The following TESMIN variants were observed in gnomAD, a reference collection of about 807,000 sequenced individuals.
TESMIN encodes CXC domain containing 2.
A neutral mutation model predicts 47.4 loss-of-function variants in TESMIN; 34 were observed. That is an observed-to-expected ratio of 0.72 (90% CI 0.55 to 0.96). The LOEUF (loss-of-function observed/expected upper bound fraction) is 0.96, where lower values mean the gene tolerates loss of function less well. Among genes scored for constraint, TESMIN ranks in the 40% least tolerant of loss-of-function variants. The probability of loss-of-function intolerance (pLI) is 0.00; values close to 1 mark genes in which losing one functional copy is unlikely to be tolerated. For synonymous variants in TESMIN, 278 were observed against 258.9 expected (o/e 1.07, Z -0.71); for missense variants, 610 against 637.2 (o/e 0.96, Z 0.46).
At chr11:68,715,707 G>A in intron 7 of TESMIN, 130 bp downstream of exon 7, 3 of 680,068 alleles carry the variant, frequency 4.4e-6, no homozygotes, top group Non-Finnish European at 7.4e-6. Context: ...CAGGAATCAA[G>A]TTGTATTCAA....
chr11:68,710,809 G>A (rs773228893), intron 9 of TESMIN, 65 bp downstream of exon 9: 54 of 1,452,400 alleles, frequency 3.7e-5, no homozygotes, highest in Admixed American at 6.5e-5. Flanking sequence ...ATAAATTGTC[G>A]TTAATTCTCC....
intron 3 of TESMIN, 57 bp downstream of exon 3, chr11:68,747,151 A>G: frequency 6.6e-7 from 1 of 1,523,204 alleles, no homozygotes; most frequent in Non-Finnish European, 9.1e-7. Context: ...CTTAGTAATG[A>G]TGGGGTCCAG....
chr11:68,730,872 T>C (rs1265925479), intron 6 of TESMIN, among the ~76,000 whole-genome samples: 2 of 152,184 alleles, frequency 1.3e-5, no homozygotes, highest in African/African-American at 4.8e-5. Context: ...ACCTCTTCAG[T>C]TTACATCAAC....
chr11:68,746,280 C>G (rs1946519530), intron 3 of TESMIN, among the ~76,000 whole-genome samples: 1 of 152,188 alleles, frequency 6.6e-6, no homozygotes, highest in Non-Finnish European at 1.5e-5. Flanking sequence ...GCTCTGCCCT[C>G]TGGGGAAATG....
chr11:68,736,333 A>G, intron 6 of TESMIN: 1 of 985,450 alleles, frequency 1.0e-6, no homozygotes. Flanking sequence ...CCCCAACCCT[A>G]ACAAATGACC....
At chr11:68,728,108 G>A (rs1056129974) in intron 6 of TESMIN, among the ~76,000 whole-genome samples, 20 of 152,262 alleles carry the variant, frequency 1.3e-4, no homozygotes, top group Admixed American at 2.0e-4. Flanking sequence ...GCCTCTAAGT[G>A]TTCAAGAGAA....
At chr11:68,711,181 G>T in intron 8 of TESMIN, 132 bp from the exon 9 acceptor site, 2 of 778,594 alleles carry the variant, frequency 2.6e-6, no homozygotes, top group Non-Finnish European at 4.1e-6. Flanking sequence ...GTGTCTGTGT[G>T]TGTTGAGTGT....
In TESMIN at chr11:68,715,184, CG is replaced by C. The variant is rs534119805; in HGVS notation, c.1020+652del. Among the ~76,000 whole-genome samples, 22 of 152,280 alleles carry C rather than the reference CG, an allele frequency of 1.4e-4. No individual in the cohort carries two copies. In the East Asian group the frequency reaches 3.5e-3, roughly 24 times the overall value. On this transcript the variant is annotated intron_variant, in intron 7 of 9. Coordinates refer to ENST00000255087, the MANE Select transcript of TESMIN (RefSeq NM_004923.3). ...TTTCCCTTCGTGAATGAGTGGGCACCGGAAGTGTCTCCCTGGAGTAGGTTGA... is the reference window on the plus strand; with the variant it reads ...TTTCCCTTCGTGAATGAGTGGGCACCGAAGTGTCTCCCTGGAGTAGGTTGA...
intron 7 of TESMIN, among the ~76,000 whole-genome samples, chr11:68,713,662 A>G (rs970722996): frequency 3.9e-5 from 6 of 152,222 alleles, no homozygotes; most frequent in Non-Finnish European, 7.3e-5. Context: ...CTGTAAAAAA[A>G]TAATAGATGG....
rs566463080 is a variant in TESMIN at position 68,750,362 on chromosome 11, A to G, written c.299T>C (p.Ile100Thr). Residue 100 changes from isoleucine to threonine, a missense_variant, in exon 2 of 10, where the codon ATC becomes ACC. Ile to Thr is a moderately conservative substitution (Grantham distance 89). Transcript: ENST00000255087. Reference protein sequence around the residue: ...GGELLGEYPGIPELSALEDVA... With the variant: ...GGELLGEYPGTPELSALEDVA... ...GTCCTCCAGCGCGCTGAGCTCTGGG[A>G]TCCCGGGGTACTCCCCGAGGAGCTC... The G allele has an allele frequency of 3.3e-6, 5 of 1,510,512 alleles. No individual in the cohort carries two copies. The South Asian group carries it at 6.4e-5, about 19-fold the overall frequency. The allele number at this position is 1,510,512 out of a possible 1,614,324, so 93.6% of individuals were successfully genotyped here. A position where few individuals can be genotyped will look rare whatever the true frequency, so the allele number is the denominator to read the frequency against.
intron 6 of TESMIN, among the ~76,000 whole-genome samples, chr11:68,717,601 C>T (rs1053250142): frequency 2.0e-5 from 3 of 152,160 alleles, no homozygotes; most frequent in South Asian, 2.1e-4. Flanking sequence ...AGAGAACTGG[C>T]GTGGCAGACT....
chr11:68,726,865 C>T (rs181639589), intron 6 of TESMIN, among the ~76,000 whole-genome samples: 36 of 151,292 alleles, frequency 2.4e-4, no homozygotes, highest in Admixed American at 2.2e-3. Context: ...ATTCCTTGAG[C>T]TCAGGAGTTT....
intron 6 of TESMIN, among the ~76,000 whole-genome samples, chr11:68,719,652 A>G (rs147619604): frequency 3.3e-5 from 5 of 152,332 alleles, no homozygotes; most frequent in East Asian, 1.9e-4. Flanking sequence ...GGGTACTACT[A>G]TGTTTTGTCA....
At chr11:68,720,418 G>T (rs958467184) in intron 6 of TESMIN, among the ~76,000 whole-genome samples, 4 of 151,952 alleles carry the variant, frequency 2.6e-5, no homozygotes, top group Admixed American at 2.0e-4. Context: ...TAACCTTTGC[G>T]TTCAGATTTC....
rs1946469356 is a variant in TESMIN, at chr11:68,742,520, G to T, written c.752-126C>A. On this transcript the variant is annotated intron_variant, in intron 4 of 9. Coordinates refer to ENST00000255087, the MANE Select transcript of TESMIN (RefSeq NM_004923.3). ...CAAAGTTATTTCAACTTATCTTGAT[G>T]CTAGTTACGCATTTTATTCTCTAAA... The T allele has an allele frequency of 3.5e-5, 19 of 547,738 alleles. No individual in the cohort carries two copies. The South Asian group carries it at 5.5e-4, about 16-fold the overall frequency. The allele number at this position is 547,738 out of a possible 1,614,324, so 33.9% of individuals were successfully genotyped here. A position where few individuals can be genotyped will look rare whatever the true frequency, so the allele number is the denominator to read the frequency against.
At chr11:68,731,116 G>A (rs1946321624) in intron 6 of TESMIN, among the ~76,000 whole-genome samples, 1 of 152,136 alleles carries the variant, frequency 6.6e-6, no homozygotes, top group African/African-American at 2.4e-5. Flanking sequence ...CAGGTGTGGA[G>A]GTTCCCCCAG....
chr11:68,710,028 C>T (rs111800639), intron 9 of TESMIN, among the ~76,000 whole-genome samples: 6,798 of 152,130 alleles, frequency 0.045, 501 homozygotes, highest in African/African-American at 0.15. Context: ...TGTGGTGGTG[C>T]GTGCCTGTAG....
In TESMIN at chr11:68,751,510, G is replaced by A. The variant is rs12787014; in HGVS notation, c.-130C>T. ...CAGGCGGCCGTTGGCGGTTGGAGAA[G>A]GGGGAAGGGTGAGGGACAGGAACCT... On this transcript the variant is annotated 5_prime_UTR_variant, in exon 1 of 10. Transcript: ENST00000255087. 2.6e-5 allele frequency: 4 copies of A among 152,610 alleles called. No individual in the cohort carries two copies. The highest frequency in any genetic ancestry group is 7.2e-5 in the African/African-American group (3 of 41,514). The allele number at this position is 152,610 out of a possible 1,614,324, so 9.5% of individuals were successfully genotyped here.
chr11:68,737,738 C>T (rs1946403922), intron 6 of TESMIN: 1 of 898,252 alleles, frequency 1.1e-6, no homozygotes, highest in African/African-American at 1.8e-5. Context: ...ATGGTAAAAC[C>T]CAGTCTCTAC....
Sources: allele counts gnomAD v4.1 joint callset (sites outside exome capture counted in the v4.1 genomes callset), GRCh38; gene constraint gnomAD v4.1.1; transcripts MANE v1.5; gene names NCBI Gene and HGNC (gene_info 2026-07-23, HGNC 2026-07-21).